The following ZBTB47 variants were observed in gnomAD, a reference collection of about 807,000 sequenced individuals.
ZBTB47 encodes zinc finger and BTB domain-containing protein 47.
ZBTB47 carries 24 observed loss-of-function variants against 56.6 expected under a neutral mutation model. The observed-to-expected ratio is 0.42, with a 90% CI of 0.31 to 0.60. The LOEUF is 0.60. Ranked by LOEUF, ZBTB47 falls within the 20% of genes least tolerant of loss-of-function variation. The probability of loss-of-function intolerance (pLI) is 0.14; values close to 1 mark genes in which losing one functional copy is unlikely to be tolerated. For missense variants in ZBTB47, 829 were observed against 1,032.6 expected, an observed-to-expected ratio of 0.80 and a Z score of 2.70; for synonymous variants, 414 against 418.9, an observed-to-expected ratio of 0.99 and a Z score of 0.14.
intron 2 of ZBTB47, among the ~76,000 whole-genome samples, chr3:42,661,083 G>A (rs1452525811): frequency 6.6e-6 from 1 of 152,176 alleles, no homozygotes; most frequent in African/African-American, 2.4e-5. Context: ...AGGCAGCAGT[G>A]ATAATGGCTC....
rs1710688144 is a variant in ZBTB47 at position 42,659,564 on chromosome 3, G to T, written c.1209G>T (p.Arg403Ser). The T allele has an allele frequency of 6.3e-7, 1 of 1,592,422 alleles. No homozygotes were observed. The highest frequency in any genetic ancestry group is 1.3e-5 in the African/African-American group (1 of 74,214). ...AAGCTGGGCGGCGGGGTGGGAAGAGGCCAAAGCCACCCCCTGGAGTGGCCT... is the reference window on the plus strand; with the variant it reads ...AAGCTGGGCGGCGGGGTGGGAAGAGTCCAAAGCCACCCCCTGGAGTGGCCT... ...PEEAGRRGGK[R>S]PKPPPGVASA... The change falls in exon 2 of 6, where the codon AGG becomes AGT. Residue 403 changes from arginine to serine, a missense_variant. By Grantham distance (110) the Arg-to-Ser change is moderately radical. Transcript: ENST00000232974.
rs1710748699 is a variant in ZBTB47 at position 42,663,704 on chromosome 3, T to C, written c.1738-93T>C. 2.0e-6 allele frequency: 3 copies of C among 1,507,846 alleles called. No individual in the cohort carries two copies. In the Admixed American group the frequency reaches 5.6e-5, roughly 28 times the overall value. 93.4% of individuals were successfully genotyped at this position (1,507,846 alleles called of 1,614,324 possible). On this transcript the variant is annotated intron_variant, in intron 4 of 5. Transcript: ENST00000232974. This position sits in a 1 kb window ranked among gnomAD's most constrained non-coding sequence, Gnocchi z 5.1. The stretch of plus-strand genomic sequence containing the variant: ...GCCCAGGAGCCCCTGAGTGTGTCCC[T>C]CCTTGGCCCTGTGGCCACAGGGGAG...
rs1292996414 is a variant in ZBTB47 at position 42,663,995 on chromosome 3, G to T, written c.1882+54G>T. The T allele has an allele frequency of 6.4e-7, 1 of 1,560,704 alleles. No individual in the cohort carries two copies. Among genetic ancestry groups the T allele is most frequent in the Non-Finnish European group, 8.7e-7 (1 of 1,150,332 alleles). On this transcript the variant is annotated intron_variant, in intron 5 of 5. Transcript: ENST00000232974. The surrounding 1 kb of genome is among the most constrained non-coding windows in gnomAD (Gnocchi z 5.1). ...GTGCCGGGCCTGGGACCCCTTCTCA[G>T]CCCCGCTCAGGACACCTGGAATAAT...
chr3:42,664,490 G>A lies in ZBTB47; in HGVS notation c.2136G>A (p.Leu712=). The change falls in exon 6 of 6, where the codon CTG becomes CTA. Residue 712 remains leucine, a synonymous_variant. Coordinates refer to ENST00000232974, the MANE Select transcript of ZBTB47 (RefSeq NM_145166.4). ...AGCCCCAGGCGCACGCACTGCCCCT[G>A]CTCCCGGGGCTGCCCCAGACCCTGC... ...PTQPQAHALP[L]LPGLPQTLPP... The A allele has an allele frequency of 6.7e-7, 1 of 1,495,944 alleles. No individual in the cohort carries two copies. Among genetic ancestry groups the A allele is most frequent in the East Asian group, 2.5e-5 (1 of 39,546 alleles). 92.7% of individuals were successfully genotyped at this position (1,495,944 alleles called of 1,614,324 possible). A position where few individuals can be genotyped will look rare whatever the true frequency, so the allele number is the denominator to read the frequency against.
Position 42,663,548 on chromosome 3 carries a change from ACT to A in ZBTB47, c.1738-244_1738-243del, listed in dbSNP as rs1224921585. 2.0e-5 allele frequency among the ~76,000 whole-genome samples: 3 copies of A among 150,898 alleles called. No individual in the cohort carries two copies. Among genetic ancestry groups the A allele is most frequent in the African/African-American group, 7.3e-5 (3 of 41,008 alleles). ...GTGCCTTAAGCATGGGGCTCCCTCT[ACT>A]CTCTGGCTTTTTCCCACTTCCGACC... is the stretch of plus-strand genomic sequence containing the variant. On this transcript the variant is annotated intron_variant, in intron 4 of 5. Coordinates refer to ENST00000232974, the MANE Select transcript of ZBTB47 (RefSeq NM_145166.4). This position sits in a 1 kb window ranked among gnomAD's most constrained non-coding sequence, Gnocchi z 5.1.
chr3:42,655,120 T>TG (rs1219507281), intron 1 of ZBTB47, among the ~76,000 whole-genome samples: 22 of 152,252 alleles, frequency 1.4e-4, no homozygotes, highest in African/African-American at 4.8e-4. Flanking sequence ...AGAGCTCCCG[T>TG]ACCAACTCCT....
chr3:42,655,977 C>T lies in ZBTB47; in HGVS notation c.-82+2094C>T, dbSNP rs531111965. Among the ~76,000 whole-genome samples, 23 of 152,306 alleles carry T rather than the reference C, an allele frequency of 1.5e-4. No homozygotes were observed. The East Asian group carries it at 3.3e-3, about 22-fold the overall frequency. ...TGGGAAGGTTGCCCTTTCCCTGTGG[C>T]AGGTGGGCACAGGTGGGCAGTGGAG... is the stretch of plus-strand genomic sequence containing the variant. On this transcript the variant is annotated intron_variant, in intron 1 of 5. Transcript: ENST00000232974.
At position 42,659,557 on chromosome 3, in the gene ZBTB47, G is replaced by C; in HGVS notation, c.1202G>C (p.Gly401Ala). 6.3e-7 allele frequency: 1 copy of C among 1,584,092 alleles called. No homozygotes were observed. The highest frequency in any genetic ancestry group is 8.6e-7 in the Non-Finnish European group (1 of 1,165,424). ...PEPEEAGRRGGKRPKPPPGVA... is the reference protein window; with the variant it reads ...PEPEEAGRRGAKRPKPPPGVA... ...CCTGAAGAAGCTGGGCGGCGGGGTG[G>C]GAAGAGGCCAAAGCCACCCCCTGGA... The change falls in exon 2 of 6, where the codon GGG (glycine) becomes GCG (alanine). Residue 401 changes from glycine to alanine, a missense_variant. By Grantham distance (60) the Gly-to-Ala change is moderately conservative. Around this residue, in one of 6 missense-constraint regions of ZBTB47, gnomAD observed 359 missense variants for 359.8 expected, o/e 1.00. Transcript: ENST00000232974.
Position 42,658,840 on chromosome 3 carries a change from C to T in ZBTB47, c.485C>T (p.Pro162Leu). The T allele has an allele frequency of 2.0e-6, 3 of 1,533,086 alleles. No individual in the cohort carries two copies. The highest frequency in any genetic ancestry group is 2.6e-6 in the Non-Finnish European group (3 of 1,145,274). The allele number at this position is 1,533,086 out of a possible 1,614,324, so 95.0% of individuals were successfully genotyped here. A position where few individuals can be genotyped will look rare whatever the true frequency, so the allele number is the denominator to read the frequency against. The change falls in exon 2 of 6, where the codon CCT becomes CTT. Residue 162 changes from proline to leucine, a missense_variant. Physicochemically the swap from Pro to Leu is moderately conservative, Grantham distance 98 (BLOSUM62 -3). This residue lies in a region of ZBTB47 where 359 missense variants were observed against 359.8 expected (regional missense o/e 1.00). Transcript: ENST00000232974. ...PKIYAREGPD[P>L]YSVRVEDGAG... Reference sequence around the variant, plus strand: ...ATCTATGCCCGCGAGGGCCCTGACCCTTACTCGGTGCGTGTTGAGGACGGG... The same window carrying T: ...ATCTATGCCCGCGAGGGCCCTGACCTTTACTCGGTGCGTGTTGAGGACGGG...
At chr3:42,657,564 G>A (rs1442221177) in intron 1 of ZBTB47, among the ~76,000 whole-genome samples, 1 of 152,218 alleles carries the variant, frequency 6.6e-6, no homozygotes, top group Non-Finnish European at 1.5e-5. Context: ...ACCAGGCAGT[G>A]CAGCAGGACC....
intron 3 of ZBTB47, 56 bp downstream of exon 3, chr3:42,661,688 G>T: frequency 6.3e-7 from 1 of 1,596,240 alleles, no homozygotes; most frequent in Non-Finnish European, 8.5e-7. Flanking sequence ...CCAGCTTCTG[G>T]CTGGTGGATG....
chr3:42,663,434 C>G lies in ZBTB47; in HGVS notation c.1737+307C>G, dbSNP rs1710745615. Among the ~76,000 whole-genome samples the G allele has an allele frequency of 6.6e-6, 1 of 152,046 alleles. No individual in the cohort carries two copies. The highest frequency in any genetic ancestry group is 1.5e-5 in the Non-Finnish European group (1 of 67,988). On this transcript the variant is annotated intron_variant, in intron 4 of 5. Coordinates refer to ENST00000232974, the MANE Select transcript of ZBTB47 (RefSeq NM_145166.4). The surrounding 1 kb of genome is among the most constrained non-coding windows in gnomAD (Gnocchi z 5.1). ...GAGGCAGATTCAGGAGCATCCCAGG[C>G]CTGGAGCTCAGATGAGACAACAGAG...
In ZBTB47 at chr3:42,663,748, C is replaced by T. The variant is rs775763482; in HGVS notation, c.1738-49C>T. 3 of 1,599,848 alleles carry T rather than the reference C, an allele frequency of 1.9e-6. No individual in the cohort carries two copies. The highest frequency in any genetic ancestry group is 2.6e-6 in the Non-Finnish European group (3 of 1,169,294). On this transcript the variant is annotated intron_variant, in intron 4 of 5. Coordinates refer to ENST00000232974, the MANE Select transcript of ZBTB47 (RefSeq NM_145166.4). This position sits in a 1 kb window ranked among gnomAD's most constrained non-coding sequence, Gnocchi z 5.1. ...AGGGGAGCTGTTCCCTCCACAAAGG[C>T]TGCTCTTCTGCTCTGTGCCTGGGCC...
chr3:42,662,981 A>T (rs200191846), intron 3 of ZBTB47, 31 bp from the exon 4 acceptor site: 306 of 1,567,776 alleles, frequency 2.0e-4, no homozygotes, highest in Non-Finnish European at 2.5e-4. Flanking sequence ...CAGGCCCGTA[A>T]AACATGATGG....
At position 42,664,596 on chromosome 3, in the gene ZBTB47, TAGCTGCCG is replaced by T; in HGVS notation, c.*5_*12del. ...CGGCGGGAGGATGAACGCCAACAACTAGCTGCCGAGCTGCACCCGTGCACCCGCTGGGG... is the reference window on the plus strand; with the variant it reads ...CGGCGGGAGGATGAACGCCAACAACTAGCTGCACCCGTGCACCCGCTGGGG... On this transcript the variant is annotated stop_retained_variant and 3_prime_UTR_variant, in exon 6 of 6. Coordinates refer to ENST00000232974, the MANE Select transcript of ZBTB47 (RefSeq NM_145166.4). 5 of 1,315,498 alleles carry T rather than the reference TAGCTGCCG, an allele frequency of 3.8e-6. No individual in the cohort carries two copies. Among genetic ancestry groups the T allele is most frequent in the Non-Finnish European group, 4.8e-6 (5 of 1,037,890 alleles). The allele number at this position is 1,315,498 out of a possible 1,614,324, so 81.5% of individuals were successfully genotyped here.
At position 42,664,367 on chromosome 3, in the gene ZBTB47, C is replaced by T. The variant is rs558969500; in HGVS notation, c.2013C>T (p.Phe671=). ...PCDVCGQRFR[F]SNMLKAHKEK... ...ACGTGTGTGGCCAGCGCTTCCGCTT[C>T]TCCAACATGCTCAAGGCCCACAAGG... The change falls in exon 6 of 6, where the codon TTC becomes TTT. Residue 671 remains phenylalanine, a synonymous_variant. Coordinates refer to ENST00000232974, the MANE Select transcript of ZBTB47 (RefSeq NM_145166.4). The T allele has an allele frequency of 4.1e-5, 66 of 1,609,734 alleles. No homozygotes were observed. Among genetic ancestry groups the T allele is most frequent in the Non-Finnish European group, 5.6e-5 (66 of 1,178,316 alleles).
chr3:42,659,893 T>C (rs1710692773), intron 2 of ZBTB47, 65 bp downstream of exon 2: 1 of 1,497,484 alleles, frequency 6.7e-7, no homozygotes, highest in Non-Finnish European at 8.9e-7. Flanking sequence ...ATAACTGGGC[T>C]CTGGGCACCT....
At position 42,663,735 on chromosome 3, in the gene ZBTB47, C is replaced by A; in HGVS notation, c.1738-62C>A. On this transcript the variant is annotated intron_variant, in intron 4 of 5. Transcript: ENST00000232974. The surrounding 1 kb of genome is among the most constrained non-coding windows in gnomAD (Gnocchi z 5.1). ...GCCCTGTGGCCACAGGGGAGCTGTT[C>A]CCTCCACAAAGGCTGCTCTTCTGCT... 4 of 1,587,706 alleles carry A rather than the reference C, an allele frequency of 2.5e-6. No homozygotes were observed. In the Admixed American group the frequency reaches 6.8e-5, roughly 27 times the overall value.
rs1013777048 is a variant in ZBTB47 at position 42,667,059 on chromosome 3, T to C, written c.*2461T>C. The stretch of plus-strand genomic sequence containing the variant: ...CAGTTCCAGTATGGATAGGGGTTCC[T>C]GTTTTACTAGCTTTTACATCTTTTT... On this transcript the variant is annotated 3_prime_UTR_variant, in exon 6 of 6. Coordinates refer to ENST00000232974, the MANE Select transcript of ZBTB47 (RefSeq NM_145166.4). Among the ~76,000 whole-genome samples the C allele has an allele frequency of 6.6e-6, 1 of 152,276 alleles. No homozygotes were observed. The highest frequency in any genetic ancestry group is 1.5e-5 in the Non-Finnish European group (1 of 68,052).
Sources: allele counts gnomAD v4.1 joint callset (sites outside exome capture counted in the v4.1 genomes callset), GRCh38; gene constraint gnomAD v4.1.1; regional missense constraint gnomAD v4.1.1; non-coding constraint Gnocchi (gnomAD v3.1); transcripts MANE v1.5; gene names NCBI Gene and HGNC (gene_info 2026-07-23, HGNC 2026-07-21).